IFIT5: variants seen among roughly 807,000 people sequenced by gnomAD.
IFIT5 encodes the protein interferon induced protein with tetratricopeptide repeats 5, also known as interferon-induced protein with tetratricopeptide repeats 5.
IFIT5 carries 2 observed loss-of-function variants against 5.0 expected under a neutral mutation model. The ratio of observed to expected loss-of-function variants is 0.40; its 90% confidence interval spans 0.16 to 1.26. The LOEUF (loss-of-function observed/expected upper bound fraction) is 1.26. Among genes scored for constraint, IFIT5 ranks in the 50% most tolerant of loss-of-function variants. The pLI is 0.33. For missense variants in IFIT5, 524 were observed against 563.2 expected, an observed-to-expected ratio of 0.93 and a Z score of 0.70; for synonymous variants, 206 against 204.6, an observed-to-expected ratio of 1.01 and a Z score of -0.06.
rs551559707 is a variant in IFIT5 at position 89,414,748 on chromosome 10, G to T, written c.-51G>T. 6.3e-7 allele frequency: 1 copy of T among 1,599,904 alleles called. No homozygotes were observed. Among genetic ancestry groups the T allele is most frequent in the Non-Finnish European group, 8.5e-7 (1 of 1,175,782 alleles). ...CCCGCGGTCCCCGGTGCTGAGGAGAGAGCGATCCGAGGGACTGCGCCGCCC... is the reference window on the plus strand; with the variant it reads ...CCCGCGGTCCCCGGTGCTGAGGAGATAGCGATCCGAGGGACTGCGCCGCCC... On this transcript the variant is annotated 5_prime_UTR_variant, in exon 1 of 2. Coordinates refer to ENST00000371795, the MANE Select transcript of IFIT5 (RefSeq NM_012420.3).
Position 89,417,356 on chromosome 10 carries a change from C to A in IFIT5, c.157C>A (p.Leu53Ile). The change falls in exon 2 of 2, where the codon CTT becomes ATT. Residue 53 changes from leucine (L) to isoleucine (I), a missense_variant. Physicochemically the swap from Leu to Ile is conservative, Grantham distance 5. Coordinates refer to ENST00000371795, the MANE Select transcript of IFIT5 (RefSeq NM_012420.3). Reference protein sequence around the residue: ...EFLTTKSRLALYNLLAYVKHL... With the variant: ...EFLTTKSRLAIYNLLAYVKHL... The stretch of plus-strand genomic sequence containing the variant: ...TCTTACCACAAAATCTAGACTTGCT[C>A]TTTATAACCTATTGGCCTATGTGAA... 1 of 1,614,144 alleles carries A rather than the reference C, an allele frequency of 6.2e-7. No homozygotes were observed. The highest frequency in any genetic ancestry group is 1.1e-5 in the South Asian group (1 of 91,072).
chr10:89,416,211 C>T (rs10887957), intron 1 of IFIT5, among the ~76,000 whole-genome samples: 37,770 of 152,092 alleles, frequency 0.25, 4,878 homozygotes, highest in Middle Eastern at 0.27. Context: ...GCGTGAGCCA[C>T]AACGCCTGGC....
rs375858252 is a variant in IFIT5, at chr10:89,417,505, G to T, written c.306G>T (p.Trp102Cys). The change falls in exon 2 of 2, where the codon TGG becomes TGT. Residue 102 changes from tryptophan to cysteine, a missense_variant. Trp to Cys is a radical substitution (Grantham distance 215). Transcript: ENST00000371795. Reference protein sequence around the residue: ...RSLVTWGNYAWVYYHMDQLEE... With the variant: ...RSLVTWGNYACVYYHMDQLEE... The stretch of plus-strand genomic sequence containing the variant: ...TGGTCACTTGGGGAAACTATGCCTG[G>T]GTGTATTATCACATGGACCAGCTTG... The T allele has an allele frequency of 3.7e-6, 6 of 1,614,018 alleles. No homozygotes were observed. The highest frequency in any genetic ancestry group is 1.3e-5 in the African/African-American group (1 of 74,902).
rs1292544695 is a variant in IFIT5 at position 89,419,492 on chromosome 10, A to C, written c.*844A>C. The C allele has an allele frequency of 6.6e-6, 1 of 152,192 alleles. No individual in the cohort carries two copies. Among genetic ancestry groups the C allele is most frequent in the Non-Finnish European group, 1.5e-5 (1 of 68,026 alleles). The allele number at this position is 152,192 out of a possible 1,614,324, so 9.4% of individuals were successfully genotyped here. The stretch of plus-strand genomic sequence containing the variant: ...AAGCAGCCATTGGGAAATTGGGAGA[A>C]ATGATAAACAAATGGAAAAAGAAGA... On this transcript the variant is annotated 3_prime_UTR_variant, in exon 2 of 2. Transcript: ENST00000371795.
intron 1 of IFIT5, 76 bp from the exon 2 acceptor site, chr10:89,417,129 A>T: frequency 7.9e-7 from 1 of 1,262,210 alleles, no homozygotes; most frequent in Non-Finnish European, 1.1e-6. Flanking sequence ...GTTGTTATGC[A>T]AAGAACAATA....
rs974653818 is a variant in IFIT5, at chr10:89,414,687, G to GCGCGCA, written c.-96_-91dup. On this transcript the variant is annotated 5_prime_UTR_variant, in exon 1 of 2. Coordinates refer to ENST00000371795, the MANE Select transcript of IFIT5 (RefSeq NM_012420.3). The stretch of plus-strand genomic sequence containing the variant: ...AGTCCAGGGGCTGCAGAGGCCTGGC[G>GCGCGCA]CGCGCACGCGCACGCGCACGCCCAC... The GCGCGCA allele has an allele frequency of 8.7e-4, 1,172 of 1,349,950 alleles. 15 individuals are homozygous for GCGCGCA. In the East Asian group the frequency reaches 0.022, roughly 26 times the overall value. 83.6% of individuals were successfully genotyped at this position (1,349,950 alleles called of 1,614,324 possible).
intron 1 of IFIT5, among the ~76,000 whole-genome samples, 178 bp downstream of exon 1, chr10:89,414,981 G>C (rs575672547): frequency 1.2e-4 from 19 of 152,320 alleles, no homozygotes; most frequent in African/African-American, 4.6e-4. Context: ...CCGGCGCGCG[G>C]CGTCTGAAGT....
Position 89,418,149 on chromosome 10 carries a change from A to T in IFIT5, c.950A>T (p.Asp317Val). ...RPKGKDKLKV[D>V]ELISSAIFHF... ...AAAGGAAAGGATAAACTAAAGGTTGATGAGCTGATTTCATCTGCTATATTT... is the reference window on the plus strand; with the variant it reads ...AAAGGAAAGGATAAACTAAAGGTTGTTGAGCTGATTTCATCTGCTATATTT... Residue 317 changes from aspartate to valine, a missense_variant, in exon 2 of 2, where the codon GAT (aspartate) becomes GTT (valine). Coordinates refer to ENST00000371795, the MANE Select transcript of IFIT5 (RefSeq NM_012420.3). The T allele has an allele frequency of 6.2e-7, 1 of 1,614,270 alleles. No homozygotes were observed. Among genetic ancestry groups the T allele is most frequent in the East Asian group, 2.2e-5 (1 of 44,890 alleles).
chr10:89,414,641 C>A lies in IFIT5; in HGVS notation c.-158C>A. 1 of 702,740 alleles carries A rather than the reference C, an allele frequency of 1.4e-6. No individual in the cohort carries two copies. Among genetic ancestry groups the A allele is most frequent in the Non-Finnish European group, 2.2e-6 (1 of 463,806 alleles). The allele number at this position is 702,740 out of a possible 1,614,324, so 43.5% of individuals were successfully genotyped here. On this transcript the variant is annotated 5_prime_UTR_variant, in exon 1 of 2. Coordinates refer to ENST00000371795, the MANE Select transcript of IFIT5 (RefSeq NM_012420.3). Reference sequence around the variant, plus strand: ...GCTGGGGCTGGGGTCTCTCCTTTAACAAAGACACGCCGCGCGGCCGAGTCC... The same window carrying A: ...GCTGGGGCTGGGGTCTCTCCTTTAAAAAAGACACGCCGCGCGGCCGAGTCC...
intron 1 of IFIT5, among the ~76,000 whole-genome samples, chr10:89,415,061 G>C (rs1214789563): frequency 6.6e-6 from 1 of 152,156 alleles, no homozygotes; most frequent in Non-Finnish European, 1.5e-5. Context: ...CGCCTAAGAA[G>C]GCCGGTCAGG....
In IFIT5 at chr10:89,420,216, T is replaced by C. The variant is rs922853048; in HGVS notation, c.*1568T>C. On this transcript the variant is annotated 3_prime_UTR_variant, in exon 2 of 2. Transcript: ENST00000371795. ...CACGTATTAATTTTTAAAAATCTTT[T>C]GTTTTACTTAATTCTGTTTTTATTA... 6.6e-6 allele frequency: 1 copy of C among 152,210 alleles called. No individual in the cohort carries two copies. The highest frequency in any genetic ancestry group is 2.4e-5 in the African/African-American group (1 of 41,454). 9.4% of individuals were successfully genotyped at this position (152,210 alleles called of 1,614,324 possible).
intron 1 of IFIT5, 132 bp from the exon 2 acceptor site, chr10:89,417,073 T>C (rs1841544737): frequency 1.4e-6 from 1 of 712,748 alleles, no homozygotes; most frequent in Non-Finnish European, 2.2e-6. Flanking sequence ...TATAAAGTTA[T>C]GGGAAACTTA....
chr10:89,415,156 G>T (rs1034177867), intron 1 of IFIT5, among the ~76,000 whole-genome samples: 1 of 152,192 alleles, frequency 6.6e-6, no homozygotes, highest in East Asian at 1.9e-4. Context: ...GCCGGGCGAC[G>T]CTCCCCCGGA....
chr10:89,419,691 T>C lies in IFIT5; in HGVS notation c.*1043T>C, dbSNP rs1019557479. ...AATTTTCAGAATGTTGTTTTTTTCA[T>C]GTAGATACTCCAGGAAGAGTTAAGC... On this transcript the variant is annotated 3_prime_UTR_variant, in exon 2 of 2. Transcript: ENST00000371795. 2.0e-5 allele frequency: 3 copies of C among 152,092 alleles called. No homozygotes were observed. The highest frequency in any genetic ancestry group is 2.9e-5 in the Non-Finnish European group (2 of 67,998). 9.4% of individuals were successfully genotyped at this position (152,092 alleles called of 1,614,324 possible).
At position 89,417,459 on chromosome 10, in the gene IFIT5, A is replaced by T; in HGVS notation, c.260A>T (p.Asp87Val). ...AEEIIQQEHSDKEEVRSLVTW... is the reference protein window; with the variant it reads ...AEEIIQQEHSVKEEVRSLVTW... Reference sequence around the variant, plus strand: ...GAAATAATCCAGCAAGAACACTCAGACAAAGAAGAAGTACGAAGCCTGGTC... The same window carrying T: ...GAAATAATCCAGCAAGAACACTCAGTCAAAGAAGAAGTACGAAGCCTGGTC... The change falls in exon 2 of 2, where the codon GAC becomes GTC. Residue 87 changes from aspartate (D) to valine (V), a missense_variant. Transcript: ENST00000371795. 6.2e-7 allele frequency: 1 copy of T among 1,614,200 alleles called. No homozygotes were observed. Among genetic ancestry groups the T allele is most frequent in the Non-Finnish European group, 8.5e-7 (1 of 1,180,030 alleles).
At position 89,414,626 on chromosome 10, in the gene IFIT5, G is replaced by A. The variant is rs896218590; in HGVS notation, c.-173G>A. 3.6e-6 allele frequency: 2 copies of A among 551,202 alleles called. No homozygotes were observed. The highest frequency in any genetic ancestry group is 4.0e-5 in the African/African-American group (2 of 49,854). 34.1% of individuals were successfully genotyped at this position (551,202 alleles called of 1,614,324 possible). On this transcript the variant is annotated 5_prime_UTR_variant, in exon 1 of 2. Transcript: ENST00000371795. ...CAGTTTCCTGTTCTTGCTGGGGCTG[G>A]GGTCTCTCCTTTAACAAAGACACGC...
chr10:89,414,734 C>G lies in IFIT5; in HGVS notation c.-65C>G, dbSNP rs533404513. 5.0e-5 allele frequency: 79 copies of G among 1,568,430 alleles called. No individual in the cohort carries two copies. In the African/African-American group the frequency reaches 9.6e-4, roughly 19 times the overall value. On this transcript the variant is annotated 5_prime_UTR_variant, in exon 1 of 2. Coordinates refer to ENST00000371795, the MANE Select transcript of IFIT5 (RefSeq NM_012420.3). ...CCACCGCGCGGCTTCCCGCGGTCCC[C>G]GGTGCTGAGGAGAGAGCGATCCGAG...
rs1460557677 is a variant in IFIT5 at position 89,418,306 on chromosome 10, C to G, written c.1107C>G (p.Asn369Lys). 1 of 1,614,202 alleles carries G rather than the reference C, an allele frequency of 6.2e-7. No individual in the cohort carries two copies. The highest frequency in any genetic ancestry group is 8.5e-7 in the Non-Finnish European group (1 of 1,180,024). The change falls in exon 2 of 2, where the codon AAC (asparagine) becomes AAG (lysine). Residue 369 changes from asparagine (N) to lysine (K), a missense_variant. Asn to Lys is a moderately conservative substitution (Grantham distance 94). Transcript: ENST00000371795. ...DIFRKALRLE[N>K]ITDDHKHQIH... ...TCCGGAAAGCTCTTCGTCTGGAGAA[C>G]ATAACCGATGATCACAAACATCAGA...
intron 1 of IFIT5, 42 bp downstream of exon 1, chr10:89,414,845 G>C: frequency 6.2e-7 from 1 of 1,603,310 alleles, no homozygotes; most frequent in Non-Finnish European, 8.5e-7. Flanking sequence ...CCCTGCGTCG[G>C]CCTTGGTTTC....
Sources: allele counts gnomAD v4.1 joint callset (sites outside exome capture counted in the v4.1 genomes callset), GRCh38; gene constraint gnomAD v4.1.1; transcripts MANE v1.5; gene names NCBI Gene and HGNC (gene_info 2026-07-23, HGNC 2026-07-21).